SLCO3A1: variants seen among roughly 807,000 people sequenced by gnomAD.
SLCO3A1 encodes the protein solute carrier organic anion transporter family member 3A1.
In SLCO3A1, 27 loss-of-function variants were observed where a neutral mutation model predicts 63.1. The ratio of observed to expected loss-of-function variants is 0.43; its 90% confidence interval spans 0.32 to 0.59. The LOEUF (loss-of-function observed/expected upper bound fraction) is 0.59. SLCO3A1 is among the 20% of genes least tolerant of loss of function. The pLI, the probability that SLCO3A1 is intolerant of heterozygous loss-of-function variation, is 0.09. For missense variants in SLCO3A1, 773 were observed against 945.8 expected (o/e 0.82, Z 2.40); for synonymous variants, 473 against 409.9 (o/e 1.15, Z -1.86).
At chr15:92,105,657 A>G (rs1271509088) in intron 4 of SLCO3A1, among the ~76,000 whole-genome samples, 2 of 152,130 alleles carry the variant, frequency 1.3e-5, no homozygotes, top group Non-Finnish European at 2.9e-5. Context: ...CTTAATGCAC[A>G]CGACTCCTTG....
chr15:92,023,280 T>C (rs2046532435), intron 2 of SLCO3A1, among the ~76,000 whole-genome samples: 2 of 152,324 alleles, frequency 1.3e-5, no homozygotes, highest in South Asian at 4.1e-4. Flanking sequence ...CAAGGAAAAG[T>C]CTAGTAGCTG....
intron 2 of SLCO3A1, among the ~76,000 whole-genome samples, chr15:92,031,675 T>C (rs1206930863): frequency 6.6e-6 from 1 of 152,172 alleles, no homozygotes; most frequent in Non-Finnish European, 1.5e-5. Flanking sequence ...CTTTTGCGGG[T>C]ACATAGTAGG....
At chr15:91,858,988 A>C (rs921030081) in intron 1 of SLCO3A1, among the ~76,000 whole-genome samples, 2 of 152,260 alleles carry the variant, frequency 1.3e-5, no homozygotes, top group Admixed American at 6.5e-5. Context: ...ACTCGCGCAG[A>C]TTTCACTACA....
chr15:92,124,572 G>C (rs1347236309), intron 5 of SLCO3A1, among the ~76,000 whole-genome samples: 2 of 152,156 alleles, frequency 1.3e-5, no homozygotes, highest in Non-Finnish European at 2.9e-5. Flanking sequence ...TACCATGCTA[G>C]ACACAGAGAA....
At chr15:91,884,071 T>C (rs1397006237) in intron 1 of SLCO3A1, among the ~76,000 whole-genome samples, 1 of 152,250 alleles carries the variant, frequency 6.6e-6, no homozygotes, top group East Asian at 1.9e-4. Flanking sequence ...GGTTTTCCTA[T>C]GGATTAACCT....
chr15:92,107,563 G>A (rs1228095689), intron 4 of SLCO3A1, among the ~76,000 whole-genome samples: 1 of 152,220 alleles, frequency 6.6e-6, no homozygotes, highest in Admixed American at 6.5e-5. Context: ...TCAATAAGCT[G>A]AACGGCGTTG....
intron 4 of SLCO3A1, among the ~76,000 whole-genome samples, chr15:92,113,226 G>A (rs964258278): frequency 2.6e-5 from 4 of 152,112 alleles, no homozygotes; most frequent in South Asian, 2.1e-4. Context: ...TGACTGGGGC[G>A]ACACCAATTT....
At position 91,927,296 on chromosome 15, in the gene SLCO3A1, CT is replaced by C. The variant is rs951071362; in HGVS notation, c.646+10850del. ...TGATGCACAGATAGGAAAATCAAAA[CT>C]TTTTTTTTTTTAGTTCTAAAAGCAA... On this transcript the variant is annotated intron_variant, in intron 2 of 9. Coordinates refer to ENST00000318445, the MANE Select transcript of SLCO3A1 (RefSeq NM_013272.4). Among the ~76,000 whole-genome samples, 683 of 144,854 alleles carry C rather than the reference CT, an allele frequency of 4.7e-3. 6 individuals are homozygous for C. Among genetic ancestry groups the C allele is most frequent in the African/African-American group, 0.014 (546 of 39,842 alleles).
At chr15:91,985,345 C>T (rs2046038448) in intron 2 of SLCO3A1, among the ~76,000 whole-genome samples, 1 of 152,048 alleles carries the variant, frequency 6.6e-6, no homozygotes, top group South Asian at 2.1e-4. Context: ...CTGTGACAGC[C>T]CCGTTTCATT....
rs1416588982 is a variant in SLCO3A1 at position 91,883,473 on chromosome 15, C to T, written c.180+29385C>T. Among the ~76,000 whole-genome samples, 2 of 152,184 alleles carry T rather than the reference C, an allele frequency of 1.3e-5. No homozygotes were observed. Among genetic ancestry groups the T allele is most frequent in the Non-Finnish European group, 2.9e-5 (2 of 68,042 alleles). On this transcript the variant is annotated intron_variant, in intron 1 of 9. Coordinates refer to ENST00000318445, the MANE Select transcript of SLCO3A1 (RefSeq NM_013272.4). This position sits in a 1 kb window ranked among gnomAD's most constrained non-coding sequence, Gnocchi z 4.8. Reference sequence around the variant, plus strand: ...GCTGGGGCTCCCCGGAGGGATGTACCTCGCACTGACTGGCTGGGGCCCTTC... The same window carrying T: ...GCTGGGGCTCCCCGGAGGGATGTACTTCGCACTGACTGGCTGGGGCCCTTC...
At chr15:92,080,284 T>A (rs2047327598) in intron 2 of SLCO3A1, among the ~76,000 whole-genome samples, 1 of 152,182 alleles carries the variant, frequency 6.6e-6, no homozygotes, top group South Asian at 2.1e-4. Flanking sequence ...GAGTCCCTCC[T>A]CCAGGGCTGT....
intron 1 of SLCO3A1, among the ~76,000 whole-genome samples, chr15:91,880,942 G>A (rs917922467): frequency 6.6e-6 from 1 of 152,164 alleles, no homozygotes; most frequent in Non-Finnish European, 1.5e-5. Context: ...TTTATTTAGA[G>A]TGATGGAATT....
intron 1 of SLCO3A1, among the ~76,000 whole-genome samples, chr15:91,904,832 G>T (rs1356156391): frequency 6.6e-6 from 1 of 152,124 alleles, no homozygotes; most frequent in African/African-American, 2.4e-5. Context: ...TTTTATTAGC[G>T]TATTTATGGA....
intron 3 of SLCO3A1, among the ~76,000 whole-genome samples, chr15:92,103,874 G>C (rs1338171434): frequency 6.6e-6 from 1 of 152,112 alleles, no homozygotes; most frequent in Non-Finnish European, 1.5e-5. Flanking sequence ...GTGGGATCTC[G>C]TGTGAGCTGC....
At chr15:92,099,527 C>A (rs1013887241) in intron 3 of SLCO3A1, among the ~76,000 whole-genome samples, 1 of 152,064 alleles carries the variant, frequency 6.6e-6, no homozygotes, top group East Asian at 1.9e-4. Context: ...TTCTCACAAT[C>A]TCAAGTATCC....
intron 2 of SLCO3A1, among the ~76,000 whole-genome samples, chr15:91,931,726 C>A (rs1389463674): frequency 6.6e-6 from 1 of 151,638 alleles, no homozygotes; most frequent in Non-Finnish European, 1.5e-5. Context: ...CTGCCTCAGC[C>A]TCCCAAAGTG....
At chr15:92,121,052 G>T (rs571792920) in intron 5 of SLCO3A1, among the ~76,000 whole-genome samples, 2 of 148,860 alleles carry the variant, frequency 1.3e-5, no homozygotes, top group South Asian at 4.2e-4. Flanking sequence ...ACTCCTCCCT[G>T]TGCCCACAAC....
chr15:91,993,066 T>G (rs1326809951), intron 2 of SLCO3A1, among the ~76,000 whole-genome samples: 2 of 152,186 alleles, frequency 1.3e-5, no homozygotes, highest in East Asian at 3.8e-4. Flanking sequence ...ACTCACTGGC[T>G]TCAGTAAGCA....
At chr15:92,085,842 A>G (rs2047398176) in intron 2 of SLCO3A1, among the ~76,000 whole-genome samples, 1 of 152,114 alleles carries the variant, frequency 6.6e-6, no homozygotes, top group African/African-American at 2.4e-5. Context: ...GGTGTTCTTT[A>G]TAGTTTGACT....
Sources: allele counts gnomAD v4.1 joint callset (sites outside exome capture counted in the v4.1 genomes callset), GRCh38; gene constraint gnomAD v4.1.1; non-coding constraint Gnocchi (gnomAD v3.1); transcripts MANE v1.5; gene names NCBI Gene and HGNC (gene_info 2026-07-23, HGNC 2026-07-21).